The following KMO variants were observed in gnomAD, a reference collection of about 807,000 sequenced individuals.
KMO encodes the protein kynurenine 3-monooxygenase.
A neutral mutation model predicts 57.8 loss-of-function variants in KMO; 24 were observed. The ratio of observed to expected loss-of-function variants is 0.42; its 90% CI spans 0.30 to 0.58. KMO has a LOEUF of 0.58. KMO is among the 20% of genes least tolerant of loss of function. The pLI is 0.22. For missense variants in KMO, 483 were observed against 588.2 expected (o/e 0.82, Z 1.85); for synonymous variants, 210 against 193.6 (o/e 1.08, Z -0.70).
intron 1 of KMO, among the ~76,000 whole-genome samples, chr1:241,545,116 T>C (rs1319158206): frequency 6.6e-6 from 1 of 152,174 alleles, no homozygotes; most frequent in Non-Finnish European, 1.5e-5. Context: ...AAACTTTACT[T>C]AAAAATGTAA....
intron 7 of KMO, among the ~76,000 whole-genome samples, chr1:241,564,003 T>A (rs1661980638): frequency 6.6e-6 from 1 of 152,218 alleles, no homozygotes; most frequent in African/African-American, 2.4e-5. Flanking sequence ...CTCTTGCCTA[T>A]TGGACTGCAC....
At chr1:241,542,524 A>T (rs755767072) in intron 1 of KMO, among the ~76,000 whole-genome samples, 10 of 152,254 alleles carry the variant, frequency 6.6e-5, no homozygotes, top group Admixed American at 6.5e-5. Context: ...TTTTGTGAGC[A>T]AACATCTCAC....
intron 10 of KMO, among the ~76,000 whole-genome samples, chr1:241,572,382 T>G (rs1317376092): frequency 2.0e-5 from 3 of 152,104 alleles, no homozygotes; most frequent in Non-Finnish European, 4.4e-5. Flanking sequence ...TTGCTCATAA[T>G]AGTCTCTAAT....
intron 4 of KMO, among the ~76,000 whole-genome samples, chr1:241,552,267 T>C (rs1471717188): frequency 1.3e-5 from 2 of 152,170 alleles, no homozygotes; most frequent in East Asian, 3.9e-4. Context: ...CGGCCTTCAA[T>C]GCATTACAAG....
At chr1:241,581,051 A>G (rs602627) in intron 10 of KMO, among the ~76,000 whole-genome samples, 73,460 of 151,894 alleles carry the variant, frequency 0.48, 18,288 homozygotes, top group African/African-American at 0.6. Flanking sequence ...TTCTCTTACC[A>G]AATTGACCTT....
intron 1 of KMO, among the ~76,000 whole-genome samples, chr1:241,542,514 T>A (rs1398450748): frequency 6.6e-6 from 1 of 152,220 alleles, no homozygotes; most frequent in Non-Finnish European, 1.5e-5. Context: ...TGCAAAATTA[T>A]TTTGTGAGCA....
intron 1 of KMO, among the ~76,000 whole-genome samples, chr1:241,546,149 A>T (rs2147945371): frequency 6.6e-6 from 1 of 152,222 alleles, no homozygotes; most frequent in South Asian, 2.1e-4. Context: ...GTTTCCTTCC[A>T]GTTTGCCCTT....
intron 1 of KMO, among the ~76,000 whole-genome samples, chr1:241,545,005 T>C (rs949684207): frequency 6.6e-6 from 1 of 152,172 alleles, no homozygotes; most frequent in Non-Finnish European, 1.5e-5. Flanking sequence ...GGGTGTTTAC[T>C]GGGCACAAGG....
chr1:241,535,044 C>T (rs184677982), intron 1 of KMO, among the ~76,000 whole-genome samples: 69 of 151,886 alleles, frequency 4.5e-4, no homozygotes, highest in Middle Eastern at 3.4e-3. Flanking sequence ...ATTCCAGAGG[C>T]TGTAATTATG....
intron 4 of KMO, 62 bp downstream of exon 4, chr1:241,551,106 CTCT>C (rs2147950553): frequency 2.1e-6 from 2 of 943,004 alleles, no homozygotes; most frequent in East Asian, 5.3e-5. Context: ...TGGAACTTGC[CTCT>C]TGTTTGATGG....
chr1:241,561,525 T>C (rs977852509), intron 6 of KMO, among the ~76,000 whole-genome samples: 2 of 152,232 alleles, frequency 1.3e-5, no homozygotes, highest in African/African-American at 4.8e-5. Flanking sequence ...CTTCCGGCTC[T>C]CATTCCTGCA....
chr1:241,539,409 G>T (rs1244184385), intron 1 of KMO, among the ~76,000 whole-genome samples: 1 of 135,236 alleles, frequency 7.4e-6, no homozygotes, highest in East Asian at 2.7e-4. Flanking sequence ...AGCAGCAATA[G>T]CTACTTCACC....
intron 2 of KMO, 71 bp downstream of exon 2, chr1:241,548,969 C>A: frequency 1.0e-6 from 1 of 969,636 alleles, no homozygotes; most frequent in Non-Finnish European, 1.7e-6. Flanking sequence ...GAGGCCAGGG[C>A]ACATGGATCG....
rs953502327 is a variant in KMO at position 241,595,509 on chromosome 1, G to A, written c.*3356G>A. ...GTTGGGGTTGCTTGTTATAGTAGTC[G>A]GTCCATCATGACCAGTAAAACATAA... On this transcript the variant is annotated 3_prime_UTR_variant, in exon 15 of 15. Coordinates refer to ENST00000366559, the MANE Select transcript of KMO (RefSeq NM_003679.5). 4 of 152,078 alleles carry A rather than the reference G, an allele frequency of 2.6e-5. No individual in the cohort carries two copies. Among genetic ancestry groups the A allele is most frequent in the Non-Finnish European group, 4.4e-5 (3 of 68,026 alleles). 9.4% of individuals were successfully genotyped at this position (152,078 alleles called of 1,614,324 possible). A position where few individuals can be genotyped will look rare whatever the true frequency, so the allele number is the denominator to read the frequency against.
intron 2 of KMO, 33 bp from the exon 3 acceptor site, chr1:241,549,644 T>C (rs752759360): frequency 7.2e-7 from 1 of 1,395,660 alleles, no homozygotes. Context: ...ATATAAAGTG[T>C]GCGTAACATG....
intron 1 of KMO, among the ~76,000 whole-genome samples, 177 bp downstream of exon 1, chr1:241,532,675 G>A (rs1436212763): frequency 6.6e-6 from 1 of 151,756 alleles, no homozygotes; most frequent in East Asian, 1.9e-4. Flanking sequence ...ATTTAATATA[G>A]TATGAGTTTT....
At chr1:241,552,221 A>G (rs528642084) in intron 4 of KMO, among the ~76,000 whole-genome samples, 14 of 151,282 alleles carry the variant, frequency 9.3e-5, no homozygotes, top group African/African-American at 3.4e-4. Flanking sequence ...TACATTCCCC[A>G]AGAGAGTGAA....
intron 1 of KMO, among the ~76,000 whole-genome samples, chr1:241,542,041 C>A (rs942048628): frequency 6.6e-6 from 1 of 152,086 alleles, no homozygotes; most frequent in Admixed American, 6.6e-5. Flanking sequence ...ATAAAATGTA[C>A]GGAATTTTTA....
At chr1:241,576,715 A>AC (rs79678999) in intron 10 of KMO, among the ~76,000 whole-genome samples, 129,322 of 152,100 alleles carry the variant, frequency 0.85, 55,846 homozygotes, top group Non-Finnish European at 0.93. Context: ...TAGCTTGATA[A>AC]CATACACCTT....
Sources: allele counts gnomAD v4.1 joint callset (sites outside exome capture counted in the v4.1 genomes callset), GRCh38; gene constraint gnomAD v4.1.1; transcripts MANE v1.5; gene names NCBI Gene and HGNC (gene_info 2026-07-23, HGNC 2026-07-21).